PTOV1: variants seen among roughly 807,000 people sequenced by gnomAD.
PTOV1 encodes the protein prostate tumor-overexpressed gene 1 protein.
PTOV1 carries 20 observed loss-of-function variants against 58.0 expected under a neutral mutation model. The observed-to-expected ratio is 0.34, with a 90% CI of 0.24 to 0.50. The LOEUF (loss-of-function observed/expected upper bound fraction) is 0.50. PTOV1 is among the 20% of genes least tolerant of loss of function. The probability of loss-of-function intolerance (pLI) is 0.98; values close to 1 mark genes in which losing one functional copy is unlikely to be tolerated. For synonymous variants in PTOV1, 335 were observed against 234.2 expected (o/e 1.43, Z -3.93); for missense variants, 593 against 565.4 (o/e 1.05, Z -0.50).
In PTOV1 at chr19:49,858,672, C is replaced by T. The variant is rs370274321; in HGVS notation, c.1041+19C>T. The T allele has an allele frequency of 6.7e-5, 105 of 1,571,618 alleles. No homozygotes were observed. Among genetic ancestry groups the T allele is most frequent in the African/African-American group, 4.7e-4 (35 of 74,082 alleles). ...TGGCTTCGTGAGTGGTGCCAGCAGA[C>T]GCAGGGGAGGGGCCGGCCAGGGCAG... On this transcript the variant is annotated intron_variant, in intron 10 of 11. Coordinates refer to ENST00000391842, the Ensembl canonical transcript of PTOV1.
chr19:49,855,453 C>T lies in PTOV1; in HGVS notation c.558+376C>T, dbSNP rs567262307. The T allele has an allele frequency of 7.8e-4, 219 of 280,878 alleles. 1 individual carries two copies. Among genetic ancestry groups the T allele is most frequent in the Middle Eastern group, 6.3e-3 (5 of 788 alleles). The allele number at this position is 280,878 out of a possible 1,614,324, so 17.4% of individuals were successfully genotyped here. A position where few individuals can be genotyped will look rare whatever the true frequency, so the allele number is the denominator to read the frequency against. ...AAGAGCCAGCCAGGAGGGAGTGGCA[C>T]GTTGGGGCTTGGTATTCTGGTCTGT... On this transcript the variant is annotated intron_variant, in intron 5 of 11. Transcript: ENST00000391842.
At chr19:49,856,975 G>A in exon 6 of PTOV1, 1 of 1,612,598 alleles carries the variant, frequency 6.2e-7, no homozygotes. Context: ...GCCCCCGCAG[G>A]CGGGCTGCAT....
chr19:49,858,689 C>A (rs1298707377), intron 10 of PTOV1, 36 bp downstream of exon 10: 1 of 1,538,222 alleles, frequency 6.5e-7, no homozygotes, highest in Non-Finnish European at 8.8e-7. Context: ...GAGGGGCCGG[C>A]CAGGGCAGAG....
intron 1 of PTOV1, among the ~76,000 whole-genome samples, chr19:49,853,751 C>G (rs1400590184): frequency 6.6e-6 from 1 of 152,126 alleles, no homozygotes; most frequent in African/African-American, 2.4e-5. Flanking sequence ...GGGGTGGTGT[C>G]CCAGCTGTCT....
At position 49,860,081 on chromosome 19, in the gene PTOV1, C is replaced by T. The variant is rs139666143; in HGVS notation, c.1137C>T (p.Ile379=). 6.2e-6 allele frequency: 10 copies of T among 1,614,112 alleles called. No individual in the cohort carries two copies. The African/African-American group carries it at 1.3e-4, about 22-fold the overall frequency. ...AGAAGAAAATCTTCATTGGCCTCAT[C>T]CCCCATGACCAGGGCAACTTTGTCA... Residue 379 remains isoleucine, a synonymous_variant, in exon 11 of 12, where the codon ATC becomes ATT. Coordinates refer to ENST00000391842, the Ensembl canonical transcript of PTOV1.
intron 10 of PTOV1, chr19:49,859,206 C>T (rs540528050): frequency 2.0e-5 from 3 of 153,258 alleles, no homozygotes; most frequent in African/African-American, 7.2e-5. Context: ...TTAAAATTAC[C>T]TTCGACTCAG....
upstream of PTOV1, chr19:49,850,896 G>A (rs1392442680): frequency 6.5e-7 from 1 of 1,535,808 alleles, no homozygotes; most frequent in South Asian, 1.2e-5. Flanking sequence ...GTCTCCCGCC[G>A]TCCCGACCCC....
upstream of PTOV1, chr19:49,850,882 TGA>T (rs1157406993): frequency 6.5e-7 from 1 of 1,535,702 alleles, no homozygotes; most frequent in Admixed American, 2.0e-5. Flanking sequence ...GGGCTCCGGA[TGA>T]GGTCTCCCGC....
upstream of PTOV1, chr19:49,850,938 C>T (rs1424743620): frequency 1.4e-5 from 22 of 1,535,758 alleles, no homozygotes; most frequent in East Asian, 4.9e-5. Context: ...CGCCTTCGTT[C>T]TTCTGCCACC....
rs551786417 is a variant in PTOV1 at position 49,857,313 on chromosome 19, C to A, written c.714+183C>A. On this transcript the variant is annotated intron_variant, in intron 6 of 11. Transcript: ENST00000391842. ...GCTCCATGGAAAAGCGGCCACTGGG[C>A]GGCTCTGCAGGGCTGGAGGGTGGGT... is the stretch of plus-strand genomic sequence containing the variant. The A allele has an allele frequency of 1.5e-4, 127 of 850,656 alleles. 1 individual carries two copies. In the East Asian group the frequency reaches 3.3e-3, roughly 22 times the overall value. The allele number at this position is 850,656 out of a possible 1,614,324, so 52.7% of individuals were successfully genotyped here. A position where few individuals can be genotyped will look rare whatever the true frequency, so the allele number is the denominator to read the frequency against.
chr19:49,858,491 G>C (rs187077140), intron 9 of PTOV1, 58 bp from the exon 10 acceptor site: 2 of 1,417,692 alleles, frequency 1.4e-6, no homozygotes, highest in East Asian at 5.0e-5. Context: ...AGCGGGCTGG[G>C]AGCCGGGAGG....
At chr19:49,857,187 C>T (rs982338071) in intron 6 of PTOV1, 57 bp downstream of exon 6, 6 of 1,599,286 alleles carry the variant, frequency 3.8e-6, no homozygotes, top group Non-Finnish European at 5.1e-6. Flanking sequence ...CCCCACTGCC[C>T]TGGTTGGGCA....
chr19:49,858,273 C>T (rs2074571026), intron 9 of PTOV1, 159 bp downstream of exon 9: 2 of 995,086 alleles, frequency 2.0e-6, no homozygotes, highest in South Asian at 3.2e-5. Context: ...TCAGGCTTGG[C>T]TTCAAGGGGT....
chr19:49,853,615 C>CAA lies in PTOV1; in HGVS notation c.172-782_172-781dup, dbSNP rs55676005. ...CTGGGAAATGAGTGAAACTCTGTCT[C>CAA]AAAAAAAAAATAGTAATAAAAATAG... On this transcript the variant is annotated intron_variant, in intron 1 of 11. Transcript: ENST00000391842. Among the ~76,000 whole-genome samples the CAA allele has an allele frequency of 9.4e-3, 1,401 of 149,794 alleles. 14 individuals are homozygous for CAA. The highest frequency in any genetic ancestry group is 0.047 in the South Asian group (224 of 4,754).
At chr19:49,855,187 G>GC in intron 5 of PTOV1, 110 bp downstream of exon 5, 1 of 1,087,558 alleles carries the variant, frequency 9.2e-7, no homozygotes, top group Non-Finnish European at 1.4e-6. Flanking sequence ...GGGGCCGAGG[G>GC]TAGCCCTCGT....
upstream of PTOV1, chr19:49,851,067 G>GCCCGGGCCCCGCTCCCC (rs2074221029): frequency 1.4e-6 from 2 of 1,472,898 alleles, no homozygotes; most frequent in East Asian, 5.3e-5. Context: ...CTCCGCTCCC[G>GCCCGGGCCCCGCTCCCC]CCCGGGCCCC....
chr19:49,858,694 G>A (rs1213012817), intron 10 of PTOV1, 41 bp downstream of exon 10: 2 of 1,520,136 alleles, frequency 1.3e-6, no homozygotes, highest in Non-Finnish European at 1.8e-6. Context: ...GCCGGCCAGG[G>A]CAGAGCGAGC....
chr19:49,854,893 G>GGGCCCCCCC lies in PTOV1; in HGVS notation c.450+5_450+6insGGCCCCCCC. On this transcript the variant is annotated splice_donor_region_variant and intron_variant, in intron 4 of 11. Coordinates refer to ENST00000391842, the Ensembl canonical transcript of PTOV1. The stretch of plus-strand genomic sequence containing the variant: ...CTGATCCCTCAGCAGCTGCTGGTGA[G>GGGCCCCCCC]ACCCGCCCCTCCCACCCCATCCACT... 1 of 1,603,566 alleles carries GGGCCCCCCC rather than the reference G, an allele frequency of 6.2e-7. No homozygotes were observed. The highest frequency in any genetic ancestry group is 8.5e-7 in the Non-Finnish European group (1 of 1,173,348).
At chr19:49,860,387 G>T (rs1283262727) in exon 12 of PTOV1, 10 of 1,243,504 alleles carry the variant, frequency 8.0e-6, no homozygotes, top group South Asian at 5.6e-5. Flanking sequence ...CATGTGGGGG[G>T]GGTGGGGTTG....
Sources: gnomAD v4.1 joint callset for allele counts (sites outside exome capture counted in the v4.1 genomes callset) on GRCh38, gnomAD v4.1.1 for gene constraint, MANE v1.5 for transcripts, NCBI Gene and HGNC (gene_info 2026-07-23, HGNC 2026-07-21) for gene names.